NPAS2: variants seen among roughly 807,000 people sequenced by gnomAD.
NPAS2 encodes neuronal PAS domain protein 2, also known as neuronal PAS domain-containing protein 2.
A neutral mutation model predicts 107.5 loss-of-function variants in NPAS2; 23 were observed. That is an observed-to-expected ratio of 0.21 (90% CI 0.15 to 0.30). NPAS2 has a LOEUF of 0.30. NPAS2 is among the 10% of genes least tolerant of loss of function. The pLI is 1.00. For missense variants in NPAS2, 756 were observed against 1,043.3 expected, an observed-to-expected ratio of 0.72 and a Z score of 3.79; for synonymous variants, 403 against 417.5, an observed-to-expected ratio of 0.97 and a Z score of 0.42.
intron 2 of NPAS2, among the ~76,000 whole-genome samples, chr2:100,911,461 A>C (rs1242502021): frequency 7.2e-5 from 11 of 152,144 alleles, no homozygotes; most frequent in Admixed American, 7.2e-4. Context: ...TTTTGCTCTT[A>C]TTGCCCAGAC....
At chr2:100,922,997 T>C (rs1004878071) in intron 2 of NPAS2, among the ~76,000 whole-genome samples, 8 of 152,098 alleles carry the variant, frequency 5.3e-5, no homozygotes, top group Non-Finnish European at 1.0e-4. Context: ...GCTAAGGAGG[T>C]TGCATGTCAC....
intron 1 of NPAS2, among the ~76,000 whole-genome samples, chr2:100,873,343 T>C (rs59245160): frequency 0.045 from 5,673 of 124,708 alleles, 283 homozygotes; most frequent in East Asian, 0.27. Flanking sequence ...CACACACACA[T>C]ATATACATAC....
At chr2:100,853,780 T>C (rs1185041931) in intron 1 of NPAS2, among the ~76,000 whole-genome samples, 19 of 152,010 alleles carry the variant, frequency 1.2e-4, no homozygotes, top group Admixed American at 1.2e-3. Context: ...TTCAGCCTTC[T>C]GGCACACATC....
intron 7 of NPAS2, among the ~76,000 whole-genome samples, chr2:100,961,667 G>A (rs1675922267): frequency 6.6e-6 from 1 of 152,202 alleles, no homozygotes; most frequent in Non-Finnish European, 1.5e-5. Flanking sequence ...TCCACCTAAT[G>A]TCCATGGTCC....
At chr2:100,995,265 C>A in intron 20 of NPAS2, 135 bp from the exon 21 acceptor site, 1 of 706,322 alleles carries the variant, frequency 1.4e-6, no homozygotes. Context: ...AGAGCCACCT[C>A]TCCCCACATG....
intron 1 of NPAS2, among the ~76,000 whole-genome samples, chr2:100,847,572 A>G (rs536881157): frequency 2.0e-4 from 31 of 152,214 alleles, no homozygotes; most frequent in East Asian, 1.5e-3. Flanking sequence ...GGGTTTCACC[A>G]TGTTAGCCAG....
chr2:100,863,607 A>T (rs994971522), intron 1 of NPAS2, among the ~76,000 whole-genome samples: 2 of 152,200 alleles, frequency 1.3e-5, no homozygotes, highest in Non-Finnish European at 2.9e-5. Context: ...GACTCTAAAT[A>T]GCTTTTCTTT....
Position 100,995,951 on chromosome 2 carries a change from C to T in NPAS2, c.*369C>T. The T allele has an allele frequency of 1.5e-6, 2 of 1,355,918 alleles. No individual in the cohort carries two copies. Among genetic ancestry groups the T allele is most frequent in the Non-Finnish European group, 1.9e-6 (2 of 1,032,510 alleles). 84.0% of individuals were successfully genotyped at this position (1,355,918 alleles called of 1,614,324 possible). The stretch of plus-strand genomic sequence containing the variant: ...CCTGCGGCCCGCCCATCTGCGCTAG[C>T]TGGCCTTCACGCTCTTGATCGTCTT... On this transcript the variant is annotated 3_prime_UTR_variant, in exon 21 of 21. Transcript: ENST00000335681.
At chr2:100,895,681 T>C (rs527955500) in intron 1 of NPAS2, among the ~76,000 whole-genome samples, 19 of 152,286 alleles carry the variant, frequency 1.2e-4, no homozygotes, top group African/African-American at 4.1e-4. Flanking sequence ...GTCTGTTTAC[T>C]GGGCCTGGCA....
At chr2:100,829,213 C>T (rs1402467027) in intron 1 of NPAS2, among the ~76,000 whole-genome samples, 1 of 146,676 alleles carries the variant, frequency 6.8e-6, no homozygotes, top group Non-Finnish European at 1.5e-5. Flanking sequence ...GAGACAGAGT[C>T]TCATTCTGTC....
chr2:100,993,707 A>G (rs866796198), intron 20 of NPAS2, 180 bp downstream of exon 20: 33 of 534,840 alleles, frequency 6.2e-5, no homozygotes, highest in East Asian at 5.8e-4. Context: ...TATGAAGTCT[A>G]TGTCTACAGA....
chr2:100,838,304 T>C (rs1167406715), intron 1 of NPAS2, among the ~76,000 whole-genome samples: 1 of 151,992 alleles, frequency 6.6e-6, no homozygotes, highest in Non-Finnish European at 1.5e-5. Context: ...TGAGACAGAG[T>C]TTTGCTCTTG....
rs140730823 is a variant in NPAS2 at position 100,975,540 on chromosome 2, C to T, written c.1365C>T (p.Pro455=). ...SATLPQELPV[P]GLSQAATMPA... ...CCCTGCCCCAAGAGTTACCTGTCCC[C>T]GGGCTCAGCCAGGCAGCCACCATGC... is the stretch of plus-strand genomic sequence containing the variant. Residue 455 remains proline (P), a synonymous_variant, in exon 14 of 21, where the codon CCC becomes CCT. Transcript: ENST00000335681. 2.2e-4 allele frequency: 347 copies of T among 1,611,448 alleles called. No individual in the cohort carries two copies. Among genetic ancestry groups the T allele is most frequent in the Non-Finnish European group, 2.4e-4 (278 of 1,178,718 alleles).
Position 100,964,860 on chromosome 2 carries a change from G to T in NPAS2, c.718-1G>T. The T allele has an allele frequency of 6.4e-7, 1 of 1,570,822 alleles. No homozygotes were observed. The highest frequency in any genetic ancestry group is 8.6e-7 in the Non-Finnish European group (1 of 1,166,222). ...TTTTTTTTTTTCTGCTTCCAATACA[G>T]GAAATGTGCATAGTTGACGAACCTT... On this transcript the variant is annotated splice_acceptor_variant, in intron 8 of 20. Coordinates refer to ENST00000335681, the MANE Select transcript of NPAS2 (RefSeq NM_002518.4). LOFTEE classifies it high-confidence loss of function.
At chr2:100,897,679 C>G (rs973549148) in intron 1 of NPAS2, among the ~76,000 whole-genome samples, 1 of 152,146 alleles carries the variant, frequency 6.6e-6, no homozygotes, top group Admixed American at 6.5e-5. Context: ...CAAGACTCCC[C>G]GAACCCCGTC....
chr2:100,909,588 A>G (rs1402558682), intron 2 of NPAS2, among the ~76,000 whole-genome samples: 1 of 152,198 alleles, frequency 6.6e-6, no homozygotes, highest in African/African-American at 2.4e-5. Context: ...AGCATTGGAC[A>G]GTGGGCTGAT....
intron 3 of NPAS2, among the ~76,000 whole-genome samples, chr2:100,930,320 A>G (rs151264984): frequency 3.0e-4 from 45 of 152,320 alleles, no homozygotes; most frequent in African/African-American, 9.9e-4. Context: ...TATACCCAGG[A>G]CAGCTGTGGA....
chr2:100,873,307 TACACACACAC>T (rs368306404), intron 1 of NPAS2, among the ~76,000 whole-genome samples: 179 of 41,830 alleles, frequency 4.3e-3, no homozygotes, highest in African/African-American at 0.014. Context: ...TATATATATA[TACACACACAC>T]ACACACACAC....
At chr2:100,878,464 T>C (rs972681166) in intron 1 of NPAS2, 19 of 985,404 alleles carry the variant, frequency 1.9e-5, no homozygotes, top group Non-Finnish European at 2.3e-5. Flanking sequence ...AGCTGGAGAA[T>C]AGCTCCCTCT....
Sources: gnomAD v4.1 joint callset for allele counts (sites outside exome capture counted in the v4.1 genomes callset) on GRCh38, gnomAD v4.1.1 for gene constraint, MANE v1.5 for transcripts, NCBI Gene and HGNC (gene_info 2026-07-23, HGNC 2026-07-21) for gene names.